Variants in MCF2L2 observed in about 807,000 individuals in gnomAD.
The protein encoded by MCF2L2 is MCF.2 cell line derived transforming sequence-like 2.
In MCF2L2, 102 loss-of-function variants were observed where a neutral mutation model predicts 150.2. The ratio of observed to expected loss-of-function variants is 0.68; its 90% CI spans 0.58 to 0.80. The LOEUF (loss-of-function observed/expected upper bound fraction) is 0.80. Ranked by LOEUF, MCF2L2 falls within the 30% of genes least tolerant of loss-of-function variation. The pLI, the probability that MCF2L2 is intolerant of heterozygous loss-of-function variation, is 0.00. For missense variants in MCF2L2, 1,256 were observed against 1,372.8 expected (o/e 0.91, Z 1.34); for synonymous variants, 465 against 491.3 (o/e 0.95, Z 0.71).
At chr3:183,300,444 C>T (rs964151592) in intron 10 of MCF2L2, among the ~76,000 whole-genome samples, 1 of 152,082 alleles carries the variant, frequency 6.6e-6, no homozygotes, top group Non-Finnish European at 1.5e-5. Flanking sequence ...GGCTAGACAT[C>T]GAGGATATAG....
intron 1 of MCF2L2, among the ~76,000 whole-genome samples, chr3:183,419,241 A>G (rs2108631165): frequency 6.6e-6 from 1 of 152,310 alleles, no homozygotes; most frequent in South Asian, 2.1e-4. Flanking sequence ...GGCTACACAG[A>G]GCAGTGGACC....
chr3:183,364,503 G>A (rs182048972), intron 3 of MCF2L2, among the ~76,000 whole-genome samples: 29 of 152,158 alleles, frequency 1.9e-4, no homozygotes, highest in Admixed American at 9.2e-4. Flanking sequence ...CTGGGCAACA[G>A]AGCGAGACTC....
At chr3:183,231,968 G>A (rs948667686) in intron 15 of MCF2L2, among the ~76,000 whole-genome samples, 5 of 152,146 alleles carry the variant, frequency 3.3e-5, no homozygotes, top group African/African-American at 4.8e-5. Context: ...CTGCACATAC[G>A]CCTCTTCCAA....
intron 3 of MCF2L2, among the ~76,000 whole-genome samples, chr3:183,343,374 T>A (rs916657932): frequency 1.4e-5 from 2 of 140,076 alleles, no homozygotes; most frequent in African/African-American, 6.4e-5. Context: ...TAACTTGATT[T>A]TTTTTTTTTT....
intron 14 of MCF2L2, among the ~76,000 whole-genome samples, chr3:183,282,169 A>ATTATTTATTTTAT (rs1727526561): frequency 6.7e-6 from 1 of 150,290 alleles, no homozygotes; most frequent in African/African-American, 2.5e-5. Context: ...TATTATTATT[A>ATTATTTATTTTAT]TTTATTTTAT....
chr3:183,272,569 A>G, intron 15 of MCF2L2: 1 of 993,114 alleles, frequency 1.0e-6, no homozygotes, highest in South Asian at 4.7e-5. Context: ...TGCTTAGATA[A>G]TTTAGAATTT....
intron 14 of MCF2L2, among the ~76,000 whole-genome samples, chr3:183,281,362 CTTTTTTTT>C (rs773642295): frequency 8.2e-6 from 1 of 121,756 alleles, no homozygotes; most frequent in African/African-American, 3.1e-5. Flanking sequence ...GGAACCTCAC[CTTTTTTTT>C]TTTTTTTTTT....
At chr3:183,397,454 AGGT>A (rs1714527551) in intron 1 of MCF2L2, among the ~76,000 whole-genome samples, 1 of 152,176 alleles carries the variant, frequency 6.6e-6, no homozygotes, top group African/African-American at 2.4e-5. Context: ...CCATTCACAA[AGGT>A]GGATTCCTCA....
intron 23 of MCF2L2, among the ~76,000 whole-genome samples, chr3:183,207,039 G>A (rs936338730): frequency 6.6e-6 from 1 of 151,660 alleles, no homozygotes; most frequent in African/African-American, 2.4e-5. Context: ...AGAAAACAAA[G>A]GCTACTATGA....
chr3:183,316,413 C>A (rs1264021215), intron 7 of MCF2L2, among the ~76,000 whole-genome samples: 1 of 151,524 alleles, frequency 6.6e-6, no homozygotes, highest in Non-Finnish European at 1.5e-5. Flanking sequence ...GGCATGATCT[C>A]GGCTCACTGC....
chr3:183,405,084 C>T (rs1163438156), intron 1 of MCF2L2, among the ~76,000 whole-genome samples: 3 of 151,932 alleles, frequency 2.0e-5, no homozygotes, highest in Non-Finnish European at 4.4e-5. Flanking sequence ...GTATAGTTTT[C>T]ATAAGCAGAA....
At chr3:183,328,735 G>A (rs1408008042) in intron 5 of MCF2L2, among the ~76,000 whole-genome samples, 1 of 152,112 alleles carries the variant, frequency 6.6e-6, no homozygotes, top group Non-Finnish European at 1.5e-5. Context: ...TTAAGAGAAT[G>A]AAAATCCAAC....
intron 14 of MCF2L2, among the ~76,000 whole-genome samples, chr3:183,288,479 CTCT>C (rs1727920239): frequency 6.7e-6 from 1 of 148,162 alleles, no homozygotes; most frequent in Non-Finnish European, 1.5e-5. Flanking sequence ...TTTTGTCATG[CTCT>C]TTTTTTTTTT....
chr3:183,261,939 A>T (rs1161889749), intron 15 of MCF2L2, among the ~76,000 whole-genome samples: 1 of 145,334 alleles, frequency 6.9e-6, no homozygotes, highest in Non-Finnish European at 1.5e-5. Flanking sequence ...CAACCGTTTT[A>T]GGAGGTTTTC....
At chr3:183,311,547 A>G (rs887861846) in intron 8 of MCF2L2, 101 bp downstream of exon 8, 3 of 1,364,634 alleles carry the variant, frequency 2.2e-6, no homozygotes, top group Admixed American at 2.2e-5. Flanking sequence ...TGGCCCCACC[A>G]AGACCCAATA....
chr3:183,404,983 T>C (rs1560060991), intron 1 of MCF2L2, among the ~76,000 whole-genome samples: 2 of 152,176 alleles, frequency 1.3e-5, no homozygotes, highest in Non-Finnish European at 2.9e-5. Flanking sequence ...ACGTAATTTA[T>C]GGTGAAATCA....
At chr3:183,362,059 G>A (rs903387654) in intron 3 of MCF2L2, among the ~76,000 whole-genome samples, 13 of 151,966 alleles carry the variant, frequency 8.6e-5, no homozygotes, top group African/African-American at 2.4e-4. Flanking sequence ...TTAGGTATAC[G>A]CAAATATTCC....
At chr3:183,309,949 T>C in intron 9 of MCF2L2, 114 bp from the exon 10 acceptor site, 2 of 1,219,770 alleles carry the variant, frequency 1.6e-6, no homozygotes, top group Non-Finnish European at 1.1e-6. Context: ...AAGACTTGTA[T>C]ATATCTATAT....
chr3:183,351,189 AGTATATATATAT>A (rs1731102067), intron 3 of MCF2L2, among the ~76,000 whole-genome samples: 1 of 59,860 alleles, frequency 1.7e-5, no homozygotes, highest in South Asian at 5.0e-4. Flanking sequence ...TATTTTCTTA[AGTATATATATAT>A]ATATATATAT....
Sources: allele counts gnomAD v4.1 joint callset (sites outside exome capture counted in the v4.1 genomes callset), GRCh38; gene constraint gnomAD v4.1.1; transcripts MANE v1.5; gene names NCBI Gene and HGNC (gene_info 2026-07-23, HGNC 2026-07-21).